SSH2: variants seen among roughly 807,000 people sequenced by gnomAD.
SSH2 encodes the protein protein phosphatase Slingshot homolog 2.
In SSH2, 37 loss-of-function variants were observed where a neutral mutation model predicts 135.2. The ratio of observed to expected loss-of-function variants is 0.27; its 90% CI spans 0.21 to 0.36. SSH2 has a LOEUF of 0.36. Ranked by LOEUF, SSH2 falls within the 10% of genes least tolerant of loss-of-function variation. The pLI is 1.00. For synonymous variants in SSH2, 628 were observed against 646.2 expected (o/e 0.97, Z 0.43); for missense variants, 1,408 against 1,765.3 (o/e 0.80, Z 3.63).
At chr17:29,846,003 TATA>T (rs1282099391) in intron 2 of SSH2, among the ~76,000 whole-genome samples, 1 of 151,948 alleles carries the variant, frequency 6.6e-6, no homozygotes, top group Non-Finnish European at 1.5e-5. Flanking sequence ...AATATGCCAG[TATA>T]ATAAGTCCAG....
chr17:29,736,976 G>A (rs2040391377), intron 3 of SSH2, among the ~76,000 whole-genome samples: 3 of 143,434 alleles, frequency 2.1e-5, no homozygotes, highest in Admixed American at 7.1e-5. Context: ...GTGGGCGCCT[G>A]TAGTCCCAGC....
intron 1 of SSH2, among the ~76,000 whole-genome samples, chr17:29,889,814 A>C (rs1317626624): frequency 6.7e-6 from 1 of 149,388 alleles, no homozygotes; most frequent in Non-Finnish European, 1.5e-5. Flanking sequence ...AAAAAAAAAA[A>C]AAAAAAAAAA....
At chr17:29,690,947 CACAT>C (rs1315418212) in intron 5 of SSH2, among the ~76,000 whole-genome samples, 19 of 151,874 alleles carry the variant, frequency 1.3e-4, no homozygotes, top group Admixed American at 1.1e-3. Flanking sequence ...CACACACACA[CACAT>C]AGACACACAC....
chr17:29,868,138 T>C (rs1005299714), intron 1 of SSH2, among the ~76,000 whole-genome samples: 2 of 152,192 alleles, frequency 1.3e-5, no homozygotes, highest in Admixed American at 6.5e-5. Context: ...GAAACAGTTA[T>C]ACCAATGATT....
At chr17:29,692,332 A>G (rs2038521445) in intron 5 of SSH2, among the ~76,000 whole-genome samples, 2 of 152,286 alleles carry the variant, frequency 1.3e-5, no homozygotes, top group African/African-American at 2.4e-5. Flanking sequence ...AAGTCATACA[A>G]TGCATTGACT....
intron 11 of SSH2, among the ~76,000 whole-genome samples, chr17:29,659,424 T>C (rs185735680): frequency 1.3e-5 from 2 of 152,234 alleles, no homozygotes; most frequent in East Asian, 3.8e-4. Flanking sequence ...TAGTTTCAAT[T>C]TGCATTTCTC....
At chr17:29,844,400 T>A (rs1191956244) in intron 2 of SSH2, among the ~76,000 whole-genome samples, 1 of 152,194 alleles carries the variant, frequency 6.6e-6, no homozygotes, top group Non-Finnish European at 1.5e-5. Flanking sequence ...ATCCAGTTGT[T>A]CCTAGGAGAC....
intron 1 of SSH2, among the ~76,000 whole-genome samples, chr17:29,922,374 C>T (rs1294009098): frequency 7.2e-6 from 1 of 139,170 alleles, no homozygotes; most frequent in Non-Finnish European, 1.6e-5. Context: ...TGTAATACAT[C>T]GAGGGTACAC....
At chr17:29,667,459 C>T (rs2037326635) in intron 9 of SSH2, among the ~76,000 whole-genome samples, 1 of 152,184 alleles carries the variant, frequency 6.6e-6, no homozygotes, top group African/African-American at 2.4e-5. Context: ...ACTGCCTGAA[C>T]TCCGCCTCCT....
intron 15 of SSH2, among the ~76,000 whole-genome samples, chr17:29,635,350 C>G (rs2035858561): frequency 6.6e-6 from 1 of 152,208 alleles, no homozygotes; most frequent in East Asian, 1.9e-4. Flanking sequence ...ACTCAGGCAG[C>G]ATCTGAGTCC....
At chr17:29,668,718 C>T (rs921916893) in intron 9 of SSH2, among the ~76,000 whole-genome samples, 4 of 151,296 alleles carry the variant, frequency 2.6e-5, no homozygotes, top group African/African-American at 4.9e-5. Context: ...GCCTGGGTAA[C>T]GGAGCAAGAC....
intron 2 of SSH2, among the ~76,000 whole-genome samples, chr17:29,815,487 C>CTGACCTCAGCTGA (rs1173073029): frequency 6.6e-5 from 10 of 152,188 alleles, no homozygotes; most frequent in Non-Finnish European, 1.3e-4. Context: ...TCTTGAACTC[C>CTGACCTCAGCTGA]TGACCTCAGC....
intron 1 of SSH2, among the ~76,000 whole-genome samples, chr17:29,919,153 T>C (rs1173219965): frequency 1.3e-5 from 2 of 152,172 alleles, no homozygotes; most frequent in African/African-American, 2.4e-5. Context: ...TTCCTGAGGT[T>C]AGAGACTAAC....
intron 1 of SSH2, among the ~76,000 whole-genome samples, chr17:29,902,718 T>A (rs2066580959): frequency 6.6e-6 from 1 of 151,932 alleles, no homozygotes; most frequent in Admixed American, 6.6e-5. Flanking sequence ...CACCCCCATA[T>A]TTGCTGTGAA....
chr17:29,814,541 T>C (rs1032858117), intron 2 of SSH2, among the ~76,000 whole-genome samples: 18 of 151,844 alleles, frequency 1.2e-4, no homozygotes, highest in African/African-American at 4.1e-4. Context: ...AGCTTTAGTA[T>C]TGACCATGTT....
chr17:29,797,120 G>A (rs996927558), intron 2 of SSH2, among the ~76,000 whole-genome samples: 1 of 130,404 alleles, frequency 7.7e-6, no homozygotes, highest in African/African-American at 2.7e-5. Flanking sequence ...CACCACACCT[G>A]GCCAGTTTTT....
intron 1 of SSH2, among the ~76,000 whole-genome samples, chr17:29,878,155 T>C (rs7214458): frequency 0.56 from 84,791 of 151,958 alleles, 24,035 homozygotes; most frequent in East Asian, 0.69. Context: ...AGGCCGGGCA[T>C]GGTGGCTCAT....
intron 2 of SSH2, among the ~76,000 whole-genome samples, chr17:29,822,782 A>G (rs556142940): frequency 3.0e-4 from 45 of 152,314 alleles, no homozygotes; most frequent in African/African-American, 1.1e-3. Context: ...CTACGCAAAT[A>G]TCACGATGGG....
intron 9 of SSH2, among the ~76,000 whole-genome samples, chr17:29,669,673 T>C (rs772461112): frequency 2.6e-5 from 4 of 152,196 alleles, no homozygotes; most frequent in Non-Finnish European, 5.9e-5. Context: ...ATGTATTCTT[T>C]TTCCGTAAAC....
Sources: allele counts gnomAD v4.1 joint callset (sites outside exome capture counted in the v4.1 genomes callset), GRCh38; gene constraint gnomAD v4.1.1; transcripts MANE v1.5; gene names NCBI Gene and HGNC (gene_info 2026-07-23, HGNC 2026-07-21).